Variants in TRAPPC2L observed in about 807,000 individuals in gnomAD.
TRAPPC2L encodes trafficking protein particle complex subunit 2-like protein.
A neutral mutation model predicts 13.2 loss-of-function variants in TRAPPC2L; 17 were observed. The ratio of observed to expected loss-of-function variants is 1.29; its 90% CI spans 0.88 to 1.93. The LOEUF (loss-of-function observed/expected upper bound fraction) is 1.93. Among genes scored for constraint, TRAPPC2L ranks in the 30% most tolerant of loss-of-function variants. The pLI is 0.00. For missense variants in TRAPPC2L, 359 were observed against 252.1 expected, an observed-to-expected ratio of 1.42 and a Z score of -2.87; for synonymous variants, 150 against 98.1, an observed-to-expected ratio of 1.53 and a Z score of -3.12.
At position 88,859,098 on chromosome 16, in the gene TRAPPC2L, G is replaced by T. The variant is rs919519236; in HGVS notation, c.206+307G>T. ...AAGGATTTCTTTCTGTGCTTTTCAG[G>T]GGGAGCCACCACCTTTGAGCAGGGG... On this transcript the variant is annotated intron_variant, in intron 2 of 3. Coordinates refer to ENST00000565504, the Ensembl canonical transcript of TRAPPC2L. 7.3e-5 allele frequency: 34 copies of T among 466,964 alleles called. No individual in the cohort carries two copies. The Middle Eastern group carries it at 3.1e-3, about 42-fold the overall frequency. The allele number at this position is 466,964 out of a possible 1,614,324, so 28.9% of individuals were successfully genotyped here.
chr16:88,858,823 G>C (rs772425989), intron 2 of TRAPPC2L, 32 bp downstream of exon 2: 16 of 1,594,330 alleles, frequency 1.0e-5, no homozygotes, highest in Non-Finnish European at 1.0e-5. Context: ...GTGTCAGGGA[G>C]GACCTACAGT....
intron 1 of TRAPPC2L, chr16:88,857,429 G>C (rs961807381): frequency 8.5e-5 from 40 of 469,154 alleles, no homozygotes; most frequent in Non-Finnish European, 1.1e-4. Context: ...TCTCCTCCCC[G>C]CCAGGACCCA....
chr16:88,860,321 C>T (rs565198824), exon 4 of TRAPPC2L: 3 of 690,054 alleles, frequency 4.3e-6, no homozygotes, highest in Non-Finnish European at 7.9e-6. Context: ...TTGTAGCTAC[C>T]TGATCTTTTA....
At chr16:88,857,583 C>G (rs1412126767) in intron 1 of TRAPPC2L, 2 of 231,362 alleles carry the variant, frequency 8.6e-6, no homozygotes, top group African/African-American at 2.3e-5. Flanking sequence ...AAAAACAAAT[C>G]GGATCCTGTC....
intron 2 of TRAPPC2L, 196 bp from the exon 3 acceptor site, chr16:88,859,467 C>T (rs1361441800): frequency 1.1e-5 from 8 of 707,104 alleles, no homozygotes; most frequent in East Asian, 8.0e-5. Flanking sequence ...GCCTGCTCTT[C>T]GCTTCTCCTG....
chr16:88,857,093 A>T (rs1387801658), upstream of TRAPPC2L: 3 of 1,544,470 alleles, frequency 1.9e-6, no homozygotes, highest in Non-Finnish European at 2.6e-6. Flanking sequence ...GGGGCTTTGG[A>T]GGCCGCGTGA....
exon 4 of TRAPPC2L, chr16:88,861,027 T>A: frequency 6.7e-7 from 1 of 1,499,924 alleles, no homozygotes; most frequent in Non-Finnish European, 9.0e-7. Context: ...CGGTCTGTTC[T>A]GGTTGCCTCT....
At chr16:88,861,829 G>C (rs1031375000) in exon 4 of TRAPPC2L, 1 of 355,904 alleles carries the variant, frequency 2.8e-6, no homozygotes, top group Admixed American at 3.4e-5. Context: ...AGGAAAGGCT[G>C]TAAGGGGGGG....
exon 4 of TRAPPC2L, chr16:88,861,015 G>A (rs753830918): frequency 8.4e-5 from 129 of 1,532,736 alleles, no homozygotes; most frequent in South Asian, 1.4e-4. Flanking sequence ...TGGTGGGGCC[G>A]TCGGTCTGTT....
At chr16:88,861,676 G>C (rs1349674796) in exon 4 of TRAPPC2L, 6 of 489,134 alleles carry the variant, frequency 1.2e-5, no homozygotes, top group Non-Finnish European at 2.5e-5. Context: ...CGAGCCCATA[G>C]TGGCGTCAGT....
chr16:88,860,771 T>C (rs777318033), exon 4 of TRAPPC2L: 367 of 890,098 alleles, frequency 4.1e-4, no homozygotes, highest in Non-Finnish European at 5.9e-4. Context: ...ACTCCTGTCC[T>C]GGCCTCTCAG....
At chr16:88,859,046 A>T (rs1036356432) in intron 2 of TRAPPC2L, 1 of 529,464 alleles carries the variant, frequency 1.9e-6, no homozygotes, top group African/African-American at 1.9e-5. Flanking sequence ...TTGCAGAGGA[A>T]GTGGGACACT....
rs567689753 is a variant in TRAPPC2L, at chr16:88,859,110, C to T, written c.206+319C>T. ...CTGTGCTTTTCAGGGGGAGCCACCA[C>T]CTTTGAGCAGGGGATAATAGTTTCA... On this transcript the variant is annotated intron_variant, in intron 2 of 3. Coordinates refer to ENST00000565504, the Ensembl canonical transcript of TRAPPC2L. 10 of 458,048 alleles carry T rather than the reference C, an allele frequency of 2.2e-5. No homozygotes were observed. The Admixed American group carries it at 2.7e-4, about 13-fold the overall frequency. 28.4% of individuals were successfully genotyped at this position (458,048 alleles called of 1,614,324 possible).
intron 1 of TRAPPC2L, among the ~76,000 whole-genome samples, chr16:88,857,931 C>G (rs1222579311): frequency 1.3e-5 from 2 of 152,206 alleles, no homozygotes; most frequent in South Asian, 2.1e-4. Context: ...CGAGACCGCT[C>G]CCTGCTGGGC....
At chr16:88,857,017 A>G (rs1345432964), upstream of TRAPPC2L, 33 of 1,388,968 alleles carry the variant, frequency 2.4e-5, no homozygotes, top group Non-Finnish European at 2.9e-5. Context: ...GAGGGACGGG[A>G]GGCGGGGCCT....
At chr16:88,861,726 C>T in exon 4 of TRAPPC2L, 1 of 461,438 alleles carries the variant, frequency 2.2e-6, no homozygotes, top group Non-Finnish European at 4.4e-6. Flanking sequence ...AAGGCTCAGC[C>T]CGCTGAGGGG....
Position 88,858,677 on chromosome 16 carries a change from TGGTGCACACATCTCTG to T in TRAPPC2L, c.94_109del (p.Val32ThrfsTer42). On this transcript the variant is annotated frameshift_variant, in exon 2 of 4. Coordinates refer to ENST00000565504, the Ensembl canonical transcript of TRAPPC2L. LOFTEE classifies it high-confidence loss of function. ...GAGAACGAGCTGAAGTTCCACTACATGGTGCACACATCTCTGGACGTGGTGGATGAGAAGATCTCCG... is the reference window on the plus strand; with the variant it reads ...GAGAACGAGCTGAAGTTCCACTACATGACGTGGTGGATGAGAAGATCTCCG... 1 of 1,613,514 alleles carries T rather than the reference TGGTGCACACATCTCTG, an allele frequency of 6.2e-7. No homozygotes were observed. Among genetic ancestry groups the T allele is most frequent in the East Asian group, 2.2e-5 (1 of 44,880 alleles).
exon 3 of TRAPPC2L, chr16:88,859,704 T>G: frequency 6.2e-7 from 1 of 1,613,980 alleles, no homozygotes; most frequent in South Asian, 1.1e-5. Context: ...TTTGTCATGG[T>G]GGTAGATTCC....
upstream of TRAPPC2L, chr16:88,856,265 G>A (rs1420090318): frequency 1.4e-6 from 1 of 703,022 alleles, no homozygotes; most frequent in East Asian, 2.7e-5. Flanking sequence ...GGAGCCCAGC[G>A]GGGGGACCCG....
Sources: allele counts gnomAD v4.1 joint callset (sites outside exome capture counted in the v4.1 genomes callset), GRCh38; gene constraint gnomAD v4.1.1; transcripts MANE v1.5; gene names NCBI Gene and HGNC (gene_info 2026-07-23, HGNC 2026-07-21).